CYB5R3: variants seen among roughly 807,000 people sequenced by gnomAD.
The protein encoded by CYB5R3 is cytochrome b5 reductase 3.
A neutral mutation model predicts 36.5 loss-of-function variants in CYB5R3; 28 were observed. That is an observed-to-expected ratio of 0.77 (90% CI 0.57 to 1.05). CYB5R3 has a LOEUF of 1.05. CYB5R3 is among the 50% of genes least tolerant of loss of function. The pLI is 0.00. For synonymous variants in CYB5R3, 181 were observed against 159.8 expected, an observed-to-expected ratio of 1.13 and a Z score of -1.00; for missense variants, 474 against 408.9, an observed-to-expected ratio of 1.16 and a Z score of -1.37.
rs1928375335 is a variant in CYB5R3 at position 42,627,887 on chromosome 22, C to T, written c.464-199G>A. Among the ~76,000 whole-genome samples, 3 of 152,170 alleles carry T rather than the reference C, an allele frequency of 2.0e-5. No individual in the cohort carries two copies. The South Asian group carries it at 6.2e-4, about 31-fold the overall frequency. ...CCGGAGGCTCAGCTCTGTCCTCTTG[C>T]TTGCTTGTTTCAGATGCTGAGAAAG... On this transcript the variant is annotated intron_variant, in intron 5 of 8. Transcript: ENST00000352397.
chr22:42,636,650 A>G (rs1928906171), intron 2 of CYB5R3, 65 bp downstream of exon 2: 1 of 1,590,920 alleles, frequency 6.3e-7, no homozygotes, highest in Non-Finnish European at 8.5e-7. Flanking sequence ...CCATGCCCTG[A>G]GCACAGAGTA....
At chr22:42,623,050 TACCGCAGTTGCCGCC>T (rs137125) in intron 8 of CYB5R3, among the ~76,000 whole-genome samples, 32,672 of 152,188 alleles carry the variant, frequency 0.21, 5,926 homozygotes, top group African/African-American at 0.49. Flanking sequence ...CGCTCCAATT[TACCGCAGTTGCCGCC>T]ACTCCCTAGT....
chr22:42,630,785 C>T (rs8190435), intron 4 of CYB5R3, 97 bp downstream of exon 4: 13,228 of 1,048,580 alleles, frequency 0.013, 135 homozygotes, highest in Middle Eastern at 0.044. Flanking sequence ...CTGCACAGGG[C>T]AGGAGCGGGA....
At position 42,622,976 on chromosome 22, in the gene CYB5R3, G is replaced by A. The variant is rs8190464; in HGVS notation, c.733+813C>T. Among the ~76,000 whole-genome samples the A allele has an allele frequency of 7.1e-3, 1,085 of 152,326 alleles. 9 individuals carry two copies. Among genetic ancestry groups the A allele is most frequent in the Middle Eastern group, 0.054 (16 of 294 alleles). On this transcript the variant is annotated intron_variant, in intron 8 of 8. Coordinates refer to ENST00000352397, the MANE Select transcript of CYB5R3 (RefSeq NM_000398.7). ...AAAAGCAGAGGCCCTGGCCACACAG[G>A]GCTATACTCCACAGCGGGATTGCCC...
rs751269167 is a variant in CYB5R3 at position 42,619,883 on chromosome 22, C to G, written c.796G>C (p.Glu266Gln). ...CACATCAGCACCAGCGGCTCCTCCTCTGGGGGTGGAAGGTGGTCCCGGATC... is the reference window on the plus strand; with the variant it reads ...CACATCAGCACCAGCGGCTCCTCCTGTGGGGGTGGAAGGTGGTCCCGGATC... ...EMIRDHLPPP[E>Q]EEPLVLMCGP... Residue 266 changes from glutamate (E) to glutamine (Q), a missense_variant, in exon 9 of 9, where the codon GAG becomes CAG. Physicochemically the swap from Glu to Gln is conservative, Grantham distance 29. Coordinates refer to ENST00000352397, the MANE Select transcript of CYB5R3 (RefSeq NM_000398.7). 43 of 1,608,398 alleles carry G rather than the reference C, an allele frequency of 2.7e-5. No homozygotes were observed. The highest frequency in any genetic ancestry group is 7.6e-6 in the Non-Finnish European group (9 of 1,177,872).
intron 2 of CYB5R3, among the ~76,000 whole-genome samples, chr22:42,636,279 C>A (rs1166021872): frequency 1.3e-5 from 2 of 152,070 alleles, no homozygotes; most frequent in Non-Finnish European, 2.9e-5. Flanking sequence ...GCAGAGGAAG[C>A]CCACACAGCT....
chr22:42,645,845 G>A (rs1373446148), intron 1 of CYB5R3, among the ~76,000 whole-genome samples: 1 of 151,888 alleles, frequency 6.6e-6, no homozygotes, highest in Non-Finnish European at 1.5e-5. Context: ...TCGGTCAGTC[G>A]TTTAGTCCAC....
chr22:42,620,728 G>A (rs148638061), intron 8 of CYB5R3, among the ~76,000 whole-genome samples: 59 of 152,152 alleles, frequency 3.9e-4, no homozygotes, highest in Non-Finnish European at 5.3e-4. Context: ...AAGCAGTCCC[G>A]CTTGCCCTGG....
intron 1 of CYB5R3, among the ~76,000 whole-genome samples, chr22:42,639,268 G>C (rs1210984852): frequency 6.6e-6 from 1 of 150,622 alleles, no homozygotes; most frequent in Non-Finnish European, 1.5e-5. Context: ...AGGTAGCAGT[G>C]AGCTGAGATC....
chr22:42,640,361 ATTTATTTATTT>A (rs1332343690), intron 1 of CYB5R3: 2 of 489,282 alleles, frequency 4.1e-6, no homozygotes, highest in East Asian at 9.1e-5. Flanking sequence ...TTATTTATTT[ATTTATTTATTT>A]ATTTATTTAT....
intron 1 of CYB5R3, chr22:42,646,983 T>C: frequency 1.0e-6 from 1 of 985,426 alleles, no homozygotes; most frequent in Non-Finnish European, 1.2e-6. Context: ...GTTTTCCCAG[T>C]GTGGCTGGCA....
rs1196207740 is a variant in CYB5R3 at position 42,618,820 on chromosome 22, T to C, written c.*953A>G. 1 of 151,622 alleles carries C rather than the reference T, an allele frequency of 6.6e-6. No homozygotes were observed. Among genetic ancestry groups the C allele is most frequent in the Non-Finnish European group, 1.5e-5 (1 of 67,916 alleles). 9.4% of individuals were successfully genotyped at this position (151,622 alleles called of 1,614,324 possible). A position where few individuals can be genotyped will look rare whatever the true frequency, so the allele number is the denominator to read the frequency against. ...CGAGGAGCTAGAGAAGGGTTAATAT[T>C]AGCAAAGTTTTACTTTTTTTTTTTC... On this transcript the variant is annotated 3_prime_UTR_variant, in exon 9 of 9. Transcript: ENST00000352397.
chr22:42,636,740 T>A lies in CYB5R3; in HGVS notation c.128A>T (p.Tyr43Phe), dbSNP rs1273616785. The A allele has an allele frequency of 6.2e-7, 1 of 1,612,812 alleles. No individual in the cohort carries two copies. Among genetic ancestry groups the A allele is most frequent in the Non-Finnish European group, 8.5e-7 (1 of 1,179,886 alleles). Reference protein sequence around the residue: ...AITLESPDIKYPLRLIDREII... With the variant: ...AITLESPDIKFPLRLIDREII... ...CTCCCGGTCGATGAGCCGCAGCGGG[T>A]ACTTGATGTCCGGGCTCTCGAGGGT... The change falls in exon 2 of 9, where the codon TAC (tyrosine) becomes TTC (phenylalanine). Residue 43 changes from tyrosine to phenylalanine, a missense_variant. By Grantham distance (22) the Tyr-to-Phe change is conservative. Transcript: ENST00000352397.
rs1272530468 is a variant in CYB5R3, at chr22:42,628,138, C to T, written c.463+14G>A. 1 of 1,613,824 alleles carries T rather than the reference C, an allele frequency of 6.2e-7. No homozygotes were observed. Among genetic ancestry groups the T allele is most frequent in the Non-Finnish European group, 8.5e-7 (1 of 1,179,856 alleles). On this transcript the variant is annotated intron_variant, in intron 5 of 8. Transcript: ENST00000352397. ...GAGCCTGCCGTGTAACCAAGGGATT[C>T]CGACCCGAATCACCTTTGCCCTGGT...
At chr22:42,630,475 C>T (rs557152943) in intron 4 of CYB5R3, among the ~76,000 whole-genome samples, 7 of 152,318 alleles carry the variant, frequency 4.6e-5, no homozygotes, top group African/African-American at 1.2e-4. Context: ...GGGACTGCGC[C>T]GTCACACCTC....
At chr22:42,638,728 T>TAAAAAAAAAAAAAAAAAAAAAAAAAAAAA (rs67349863) in intron 1 of CYB5R3, among the ~76,000 whole-genome samples, 1 of 47,520 alleles carries the variant, frequency 2.1e-5, no homozygotes, top group Non-Finnish European at 3.6e-5. Flanking sequence ...CAAGACTCCA[T>TAAAAAAAAAAAAAAAAAAAAAAAAAAAAA]AAAAAAAAAA....
chr22:42,640,201 G>C, intron 1 of CYB5R3: 1 of 1,607,294 alleles, frequency 6.2e-7, no homozygotes, highest in Non-Finnish European at 8.5e-7. Context: ...GGCCAATCGA[G>C]GCTTCAAGTA....
intron 8 of CYB5R3, among the ~76,000 whole-genome samples, chr22:42,621,182 TAGTG>T (rs1240910847): frequency 9.5e-6 from 1 of 104,972 alleles, no homozygotes. Flanking sequence ...GATTTCTTTT[TAGTG>T]TGTGTGTGTG....
rs573516374 is a variant in CYB5R3 at position 42,627,402 on chromosome 22, C to G, written c.548-13G>C. On this transcript the variant is annotated splice_polypyrimidine_tract_variant and intron_variant, in intron 6 of 8. Coordinates refer to ENST00000352397, the MANE Select transcript of CYB5R3 (RefSeq NM_000398.7). ...ATCGGGGTGATGCCTGCAAAATAGC[C>G]GGCCGGGCCTCGCACGTGCTGAGCG... 111 of 1,612,908 alleles carry G rather than the reference C, an allele frequency of 6.9e-5. No individual in the cohort carries two copies. In the South Asian group the frequency reaches 1.1e-3, roughly 16 times the overall value.
Sources: gnomAD v4.1 joint callset for allele counts (sites outside exome capture counted in the v4.1 genomes callset) on GRCh38, gnomAD v4.1.1 for gene constraint, MANE v1.5 for transcripts, NCBI Gene and HGNC (gene_info 2026-07-23, HGNC 2026-07-21) for gene names.